The following CLASP1 variants were observed in gnomAD, a reference collection of about 807,000 sequenced individuals.
CLASP1 encodes the protein cytoplasmic linker associated protein 1, also known as CLIP-associating protein 1.
In CLASP1, 38 loss-of-function variants were observed where a neutral mutation model predicts 192.3. The ratio of observed to expected loss-of-function variants is 0.20; its 90% CI spans 0.15 to 0.26. The LOEUF is 0.26. CLASP1 is among the 10% of genes least tolerant of loss of function. The pLI is 1.00. For synonymous variants in CLASP1, 691 were observed against 712.8 expected (o/e 0.97, Z 0.49); for missense variants, 1,433 against 1,932.5 (o/e 0.74, Z 4.85).
intron 13 of CLASP1, 102 bp from the exon 14 acceptor site, chr2:121,457,859 T>G (rs1046106832): frequency 1.4e-6 from 1 of 722,568 alleles, no homozygotes; most frequent in Non-Finnish European, 2.4e-6. Context: ...AGCACATATA[T>G]ATTCAGATTA....
chr2:121,618,665 ATTT>A (rs926471933), intron 1 of CLASP1, among the ~76,000 whole-genome samples: 1 of 142,750 alleles, frequency 7.0e-6, no homozygotes, highest in Non-Finnish European at 1.5e-5. Flanking sequence ...TGTATTATGA[ATTT>A]TTTAATGCAA....
intron 19 of CLASP1, among the ~76,000 whole-genome samples, chr2:121,439,647 C>T (rs117298220): frequency 0.037 from 5,632 of 151,920 alleles, 157 homozygotes; most frequent in East Asian, 0.14. Flanking sequence ...GAGTTTATTG[C>T]GGCATTATTC....
intron 8 of CLASP1, among the ~76,000 whole-genome samples, chr2:121,479,310 T>C (rs753396187): frequency 3.3e-5 from 5 of 152,042 alleles, no homozygotes; most frequent in East Asian, 1.9e-4. Context: ...TGCAAAAACT[T>C]AGAACCAATA....
intron 1 of CLASP1, among the ~76,000 whole-genome samples, chr2:121,646,953 T>C (rs565063031): frequency 9.1e-5 from 13 of 142,668 alleles, no homozygotes; most frequent in Non-Finnish European, 1.5e-4. Flanking sequence ...GGGAGGAGAA[T>C]GGCATGAACC....
intron 2 of CLASP1, among the ~76,000 whole-genome samples, chr2:121,538,414 A>G (rs1330669087): frequency 6.6e-6 from 1 of 152,012 alleles, no homozygotes; most frequent in African/African-American, 2.4e-5. Flanking sequence ...CTCCGTCTCA[A>G]AAAATTTTTT....
Position 121,463,837 on chromosome 2 carries a change from A to G in CLASP1, c.866-1232T>C, listed in dbSNP as rs990046724. On this transcript the variant is annotated intron_variant, in intron 9 of 39. Transcript: ENST00000263710. ...GAAAGCACCAGTCTAGTAATTTTCT[A>G]TTTTATTTTATTTTATTATTATTAT... 4.6e-5 allele frequency among the ~76,000 whole-genome samples: 7 copies of G among 151,772 alleles called. No individual in the cohort carries two copies. The South Asian group carries it at 6.3e-4, about 14-fold the overall frequency.
intron 16 of CLASP1, among the ~76,000 whole-genome samples, chr2:121,449,826 A>C (rs2085075308): frequency 6.6e-6 from 1 of 152,214 alleles, no homozygotes; most frequent in Non-Finnish European, 1.5e-5. Context: ...AATAAGTACT[A>C]GATCAGGATG....
chr2:121,385,819 T>C (rs2073066135), intron 32 of CLASP1, among the ~76,000 whole-genome samples: 1 of 152,366 alleles, frequency 6.6e-6, no homozygotes, highest in African/African-American at 2.4e-5. Context: ...GATAATTTTA[T>C]GATTTTACTG....
intron 34 of CLASP1, among the ~76,000 whole-genome samples, chr2:121,376,690 C>T (rs1371057347): frequency 6.6e-6 from 1 of 152,204 alleles, no homozygotes; most frequent in Non-Finnish European, 1.5e-5. Flanking sequence ...AGCAGGTGAG[C>T]AGTGGGCAAG....
At chr2:121,565,182 G>C (rs963553644) in intron 2 of CLASP1, among the ~76,000 whole-genome samples, 1 of 152,180 alleles carries the variant, frequency 6.6e-6, no homozygotes, top group African/African-American at 2.4e-5. Context: ...TCTTATACCA[G>C]GACAAGAGGC....
At chr2:121,511,055 G>T (rs1401308463) in intron 7 of CLASP1, among the ~76,000 whole-genome samples, 2 of 152,080 alleles carry the variant, frequency 1.3e-5, no homozygotes, top group East Asian at 1.9e-4. Context: ...TTAGCAAGTA[G>T]AAAGTATGAG....
chr2:121,453,992 C>T (rs1015386971), intron 14 of CLASP1, among the ~76,000 whole-genome samples: 3 of 152,100 alleles, frequency 2.0e-5, no homozygotes, highest in Admixed American at 2.0e-4. Context: ...TGACTGATAC[C>T]CACTGGCTAA....
At position 121,531,521 on chromosome 2, in the gene CLASP1, G is replaced by C. The variant is rs1010171470; in HGVS notation, c.196-1196C>G. 5.9e-5 allele frequency among the ~76,000 whole-genome samples: 9 copies of C among 151,738 alleles called. No individual in the cohort carries two copies. The East Asian group carries it at 1.4e-3, about 23-fold the overall frequency. On this transcript the variant is annotated intron_variant, in intron 2 of 39. Transcript: ENST00000263710. The stretch of plus-strand genomic sequence containing the variant: ...GAGGCAGGAGAATGGCGTGAATCCG[G>C]GGGGGTGGAGCCTGCAGTGAGCAGA...
chr2:121,375,268 A>G (rs1294062701), intron 34 of CLASP1, among the ~76,000 whole-genome samples: 2 of 151,938 alleles, frequency 1.3e-5, no homozygotes, highest in Non-Finnish European at 2.9e-5. Context: ...CATGACTGTA[A>G]GCTTCCTGGG....
chr2:121,515,615 G>C (rs1224537014), intron 7 of CLASP1, 50 bp downstream of exon 7: 5 of 1,380,102 alleles, frequency 3.6e-6, no homozygotes, highest in Non-Finnish European at 4.1e-6. Flanking sequence ...GGAAAACAAA[G>C]GGGGCGGGGG....
intron 1 of CLASP1, among the ~76,000 whole-genome samples, chr2:121,634,991 C>A (rs148999880): frequency 1.3e-5 from 2 of 152,140 alleles, no homozygotes; most frequent in Non-Finnish European, 2.9e-5. Context: ...TTCCTACTCT[C>A]CCTGGCATAA....
At chr2:121,479,022 A>AC (rs2092335573) in intron 8 of CLASP1, among the ~76,000 whole-genome samples, 1 of 55,562 alleles carries the variant, frequency 1.8e-5, no homozygotes, top group African/African-American at 1.6e-4. Flanking sequence ...CACACCACAC[A>AC]CACACACACC....
At chr2:121,635,246 G>C in intron 1 of CLASP1, among the ~76,000 whole-genome samples, 1 of 150,988 alleles carries the variant, frequency 6.6e-6, no homozygotes, top group Non-Finnish European at 1.5e-5. Flanking sequence ...AGAAAAGAAA[G>C]AAAATGACTC....
At chr2:121,544,749 A>T (rs980771673) in intron 2 of CLASP1, among the ~76,000 whole-genome samples, 5 of 152,196 alleles carry the variant, frequency 3.3e-5, no homozygotes, top group South Asian at 2.1e-4. Context: ...TCAGTAAACA[A>T]GAAAATAAAC....
Sources: gnomAD v4.1 joint callset for allele counts (sites outside exome capture counted in the v4.1 genomes callset) on GRCh38, gnomAD v4.1.1 for gene constraint, MANE v1.5 for transcripts, NCBI Gene and HGNC (gene_info 2026-07-23, HGNC 2026-07-21) for gene names.